The following PDHX variants were observed in gnomAD, a reference collection of about 807,000 sequenced individuals.
PDHX encodes the protein pyruvate dehydrogenase protein X component, mitochondrial.
A neutral mutation model predicts 55.3 loss-of-function variants in PDHX; 33 were observed. The observed-to-expected ratio is 0.60, with a 90% CI of 0.45 to 0.80. The LOEUF is 0.80. Among genes scored for constraint, PDHX ranks in the 30% least tolerant of loss-of-function variants. The pLI is 0.00. For missense variants in PDHX, 622 were observed against 619.9 expected (o/e 1.00, Z -0.04); for synonymous variants, 226 against 219.4 (o/e 1.03, Z -0.27).
At chr11:34,958,234 A>G (rs1854947015) in intron 4 of PDHX, among the ~76,000 whole-genome samples, 2 of 152,254 alleles carry the variant, frequency 1.3e-5, no homozygotes, top group Admixed American at 6.5e-5. Context: ...AGACCTCTTC[A>G]TTCTTAAACA....
At position 34,966,746 on chromosome 11, in the gene PDHX, A is replaced by G. The variant is rs1464611874; in HGVS notation, c.748A>G (p.Thr250Ala). 6.2e-7 allele frequency: 1 copy of G among 1,614,014 alleles called. No individual in the cohort carries two copies. The highest frequency in any genetic ancestry group is 1.7e-5 in the Admixed American group (1 of 60,010). ...CACAGCACCTTCGCCCCTACAGGCC[A>G]CAGCTGGACCATCTTATCCCCGGCC... ...TPTAPSPLQA[T>A]AGPSYPRPVI... is the part of the protein sequence containing the mutation. Residue 250 changes from threonine to alanine, a missense_variant, in exon 6 of 11, where the codon ACA becomes GCA. Thr to Ala is a moderately conservative substitution (Grantham distance 58). Transcript: ENST00000227868.
chr11:34,993,774 C>T (rs1414880147), intron 10 of PDHX, among the ~76,000 whole-genome samples: 1 of 152,118 alleles, frequency 6.6e-6, no homozygotes. Flanking sequence ...ATTTTTCACA[C>T]ACACACCCCT....
chr11:34,968,646 CA>C (rs1855188230), intron 6 of PDHX, among the ~76,000 whole-genome samples: 1 of 152,268 alleles, frequency 6.6e-6, no homozygotes, highest in African/African-American at 2.4e-5. Flanking sequence ...TTAAAAATTA[CA>C]AATCCAAATA....
In PDHX at chr11:34,966,641, G is replaced by A. The variant is rs1855136181; in HGVS notation, c.643G>A (p.Asp215Asn). Residue 215 changes from aspartate (D) to asparagine (N), a missense_variant and splice_region_variant, in exon 6 of 11, where the codon GAT becomes AAT. Asp to Asn is a conservative substitution (Grantham distance 23). Transcript: ENST00000227868. ...TGPRGIFTKE[D>N]ALKLVQLKQT... is the part of the protein sequence containing the mutation. Reference sequence around the variant, plus strand: ...TATCTACTTTGCTCTTATTTCCAGGGATGCTCTCAAACTTGTCCAGTTGAA... The same window carrying A: ...TATCTACTTTGCTCTTATTTCCAGGAATGCTCTCAAACTTGTCCAGTTGAA... The A allele has an allele frequency of 6.2e-7, 1 of 1,613,808 alleles. No individual in the cohort carries two copies. The highest frequency in any genetic ancestry group is 8.5e-7 in the Non-Finnish European group (1 of 1,179,944).
chr11:34,958,518 G>C (rs1464237762), intron 4 of PDHX, among the ~76,000 whole-genome samples: 1 of 152,150 alleles, frequency 6.6e-6, no homozygotes, highest in African/African-American at 2.4e-5. Context: ...GGCCAGGCTG[G>C]TCTCGAACTC....
At chr11:34,961,661 T>A (rs1224912361) in intron 5 of PDHX, among the ~76,000 whole-genome samples, 1 of 152,230 alleles carries the variant, frequency 6.6e-6, no homozygotes, top group Non-Finnish European at 1.5e-5. Flanking sequence ...GGGTGTTTAT[T>A]TTATTGAAAG....
At chr11:34,946,116 C>T (rs141050709) in intron 2 of PDHX, among the ~76,000 whole-genome samples, 1 of 152,196 alleles carries the variant, frequency 6.6e-6, no homozygotes, top group Admixed American at 6.5e-5. Flanking sequence ...ATCTTTTTGT[C>T]TGCCTGTATG....
intron 7 of PDHX, among the ~76,000 whole-genome samples, chr11:34,974,237 A>T (rs111353165): frequency 6.6e-6 from 1 of 152,208 alleles, no homozygotes; most frequent in Admixed American, 6.5e-5. Flanking sequence ...GATGATTCTA[A>T]GTACATCATA....
upstream of PDHX, chr11:34,916,245 G>A (rs139123979): frequency 8.1e-5 from 131 of 1,612,124 alleles, no homozygotes; most frequent in Non-Finnish European, 1.1e-4. Context: ...CCGCATCTCC[G>A]GGAACAACAG....
intron 10 of PDHX, among the ~76,000 whole-genome samples, chr11:34,992,779 G>A (rs1199349953): frequency 2.0e-5 from 3 of 152,072 alleles, no homozygotes; most frequent in Non-Finnish European, 4.4e-5. Flanking sequence ...CATTTGCGTT[G>A]CTTCCAGTTC....
upstream of PDHX, chr11:34,916,455 G>A (rs1165831219): frequency 1.4e-6 from 2 of 1,464,450 alleles, no homozygotes; most frequent in Non-Finnish European, 9.0e-7. Context: ...CGCCGGCTGA[G>A]ATATCCAGCG....
At chr11:34,965,762 A>G (rs1398505432) in intron 5 of PDHX, among the ~76,000 whole-genome samples, 1 of 152,208 alleles carries the variant, frequency 6.6e-6, no homozygotes, top group Non-Finnish European at 1.5e-5. Flanking sequence ...TGGAAAAATA[A>G]TACCAAAATA....
chr11:34,925,327 G>A (rs1474304703), intron 1 of PDHX, among the ~76,000 whole-genome samples: 2 of 152,208 alleles, frequency 1.3e-5, no homozygotes, highest in Non-Finnish European at 2.9e-5. Flanking sequence ...TAAGAGAGGG[G>A]ATCCAGGTAT....
intron 8 of PDHX, among the ~76,000 whole-genome samples, chr11:34,982,074 C>T (rs1855526401): frequency 6.6e-6 from 1 of 152,174 alleles, no homozygotes; most frequent in Non-Finnish European, 1.5e-5. Flanking sequence ...GAAGTCCTTG[C>T]ACATGCCTGT....
chr11:34,974,766 G>A (rs527526267), intron 7 of PDHX, among the ~76,000 whole-genome samples: 29 of 152,170 alleles, frequency 1.9e-4, no homozygotes, highest in African/African-American at 5.3e-4. Context: ...AAAACTAGTC[G>A]GGCAGATGGC....
At chr11:34,916,045 G>A (rs989876829), upstream of PDHX, 1 of 744,084 alleles carries the variant, frequency 1.3e-6, no homozygotes, top group African/African-American at 1.8e-5. Context: ...TGATCTCCTG[G>A]GGCCTCGCAG....
At position 34,922,864 on chromosome 11, in the gene PDHX, T is replaced by TTGTGTGTGTGTGTG. The variant is rs60096111; in HGVS notation, c.160+6071_160+6084dup. ...AAATGTGTAAATTCCCAAAGTATCG[T>TTGTGTGTGTGTGTG]TGTGTGTGTGTGTGTGTGTGTGTGT... On this transcript the variant is annotated intron_variant, in intron 1 of 10. Transcript: ENST00000227868. Among the ~76,000 whole-genome samples the TTGTGTGTGTGTGTG allele has an allele frequency of 2.2e-3, 315 of 143,462 alleles. 3 individuals are homozygous for TTGTGTGTGTGTGTG. The highest frequency in any genetic ancestry group is 6.8e-3 in the African/African-American group (266 of 38,888). 94.1% of individuals were successfully genotyped at this position (143,462 alleles called of 152,430 possible).
intron 9 of PDHX, among the ~76,000 whole-genome samples, chr11:34,985,185 G>T (rs756077731): frequency 2.0e-5 from 3 of 152,230 alleles, no homozygotes; most frequent in Non-Finnish European, 4.4e-5. Flanking sequence ...TCTCACGCCT[G>T]TAATGCCAGC....
intron 8 of PDHX, among the ~76,000 whole-genome samples, chr11:34,983,115 C>G (rs1467195790): frequency 6.6e-6 from 1 of 152,118 alleles, no homozygotes; most frequent in East Asian, 1.9e-4. Context: ...AAGGGTGGTT[C>G]AACATACGAA....
Sources: allele counts gnomAD v4.1 joint callset (sites outside exome capture counted in the v4.1 genomes callset), GRCh38; gene constraint gnomAD v4.1.1; transcripts MANE v1.5; gene names NCBI Gene and HGNC (gene_info 2026-07-23, HGNC 2026-07-21).